Variants in ZNF233 observed in about 807,000 individuals in gnomAD.
The protein encoded by ZNF233 is zinc finger protein 233.
In ZNF233, 7 loss-of-function variants were observed where a neutral mutation model predicts 11.6. The observed-to-expected ratio is 0.60, with a 90% confidence interval of 0.34 to 1.13. The LOEUF is 1.13. Among genes scored for constraint, ZNF233 ranks in the 50% most tolerant of loss-of-function variants. The probability of loss-of-function intolerance (pLI) is 0.03; values close to 1 mark genes in which losing one functional copy is unlikely to be tolerated. For synonymous variants in ZNF233, 226 were observed against 268.5 expected (o/e 0.84, Z 1.55); for missense variants, 711 against 785.5 (o/e 0.91, Z 1.13).
At chr19:44,271,651 AGGCGCCT>A (rs1975239196) in intron 4 of ZNF233, among the ~76,000 whole-genome samples, 1 of 151,860 alleles carries the variant, frequency 6.6e-6, no homozygotes, top group African/African-American at 2.4e-5. Context: ...CCGGGACTAC[AGGCGCCT>A]GCCCCCATGC....
In ZNF233 at chr19:44,265,920, C is replaced by T. The variant is rs1007324662; in HGVS notation, c.16-278C>T. Among the ~76,000 whole-genome samples, 24 of 152,202 alleles carry T rather than the reference C, an allele frequency of 1.6e-4. No individual in the cohort carries two copies. The East Asian group carries it at 2.1e-3, about 13-fold the overall frequency. On this transcript the variant is annotated intron_variant, in intron 2 of 4. Transcript: ENST00000683810. ...CGTATTCCGTGTGATTCAAGATTTACAGTGCTGGGGCATTTACTGTTGGAA... is the reference window on the plus strand; with the variant it reads ...CGTATTCCGTGTGATTCAAGATTTATAGTGCTGGGGCATTTACTGTTGGAA...
chr19:44,265,487 C>T (rs1360921104), intron 2 of ZNF233, among the ~76,000 whole-genome samples: 3 of 151,708 alleles, frequency 2.0e-5, no homozygotes. Flanking sequence ...ATGGCGCGAT[C>T]CTGGCTCACT....
In ZNF233 at chr19:44,273,744, C is replaced by T; in HGVS notation, c.1084C>T (p.Leu362Phe). The change falls in exon 5 of 5, where the codon CTT becomes TTT. Residue 362 changes from leucine (L) to phenylalanine (F), a missense_variant. By Grantham distance (22) the Leu-to-Phe change is conservative. Transcript: ENST00000683810. The stretch of plus-strand genomic sequence containing the variant: ...GAACTCCTGTCTTCCCTCTCATGAG[C>T]TTACTCACCCAGGAGAGAAGTTGTG... ...NQNSCLPSHELTHPGEKLCTC... is the reference protein window; with the variant it reads ...NQNSCLPSHEFTHPGEKLCTC... 1.2e-6 allele frequency: 2 copies of T among 1,614,160 alleles called. No homozygotes were observed. The highest frequency in any genetic ancestry group is 1.7e-6 in the Non-Finnish European group (2 of 1,180,018).
At chr19:44,268,721 G>T (rs1975160426) in intron 4 of ZNF233, among the ~76,000 whole-genome samples, 1 of 152,084 alleles carries the variant, frequency 6.6e-6, no homozygotes, top group South Asian at 2.1e-4. Flanking sequence ...GGTGAGAGTT[G>T]CCTCATCCAT....
chr19:44,268,157 TAC>T (rs1328390672), intron 4 of ZNF233: 1 of 151,242 alleles, frequency 6.6e-6, no homozygotes, highest in Admixed American at 6.6e-5. Flanking sequence ...AATACATACA[TAC>T]ATACATACAT....
Position 44,264,347 on chromosome 19 carries a change from A to G in ZNF233, c.-14A>G. ...TCCCAGGACCCTGCCCTTCCCCAGA[A>G]GGAGCAGGAGAAAATGACCAAGTTT... On this transcript the variant is annotated 5_prime_UTR_variant, in exon 2 of 5. Coordinates refer to ENST00000683810, the MANE Select transcript of ZNF233 (RefSeq NM_001207005.2). The G allele has an allele frequency of 6.2e-7, 1 of 1,613,492 alleles. No homozygotes were observed.
Position 44,274,002 on chromosome 19 carries a change from G to GA in ZNF233, c.1342_1343insA (p.Gly448GlufsTer6), listed in dbSNP as rs1975320697. 6.3e-7 allele frequency: 1 copy of GA among 1,597,540 alleles called. No homozygotes were observed. Among genetic ancestry groups the GA allele is most frequent in the Non-Finnish European group, 8.5e-7 (1 of 1,179,272 alleles). ...TGGTCTTCACCAGAGAGTTCACACT[G>GA]GAGAGAAACCATATAAATGTGAGGT... is the stretch of plus-strand genomic sequence containing the variant. On this transcript the variant is annotated frameshift_variant, in exon 5 of 5. Coordinates refer to ENST00000683810, the MANE Select transcript of ZNF233 (RefSeq NM_001207005.2). LOFTEE classifies it low-confidence loss of function (END_TRUNC).
At chr19:44,270,187 C>A (rs1195505561) in intron 4 of ZNF233, among the ~76,000 whole-genome samples, 2 of 151,948 alleles carry the variant, frequency 1.3e-5, no homozygotes, top group Non-Finnish European at 2.9e-5. Flanking sequence ...TGTTAGTTAT[C>A]AATTATTTTA....
intron 4 of ZNF233, among the ~76,000 whole-genome samples, chr19:44,271,725 T>A (rs1330307840): frequency 6.6e-6 from 1 of 151,858 alleles, no homozygotes; most frequent in East Asian, 2.0e-4. Flanking sequence ...TTAGCCAGGA[T>A]GGTCTCGATC....
Position 44,273,209 on chromosome 19 carries a change from G to A in ZNF233, c.549G>A (p.Trp183Ter), listed in dbSNP as rs765649059. The A allele has an allele frequency of 6.2e-7, 1 of 1,613,710 alleles. No homozygotes were observed. The highest frequency in any genetic ancestry group is 1.7e-5 in the Admixed American group (1 of 60,020). Residue 183 changes from tryptophan to a stop codon, truncating the protein, a stop_gained, in exon 5 of 5, where the codon TGG becomes TGA. Transcript: ENST00000683810. LOFTEE classifies it low-confidence loss of function (END_TRUNC). ...ELPLRTTWDFWRKMYLREPQN... is the reference protein window; with the variant it reads ...ELPLRTTWDF ...CATTGAGGACCACCTGGGATTTCTG[G>A]AGGAAAATGTATCTGAGAGAACCAC...
intron 4 of ZNF233, among the ~76,000 whole-genome samples, chr19:44,268,376 G>T (rs1235900799): frequency 6.6e-6 from 1 of 151,950 alleles, no homozygotes; most frequent in Non-Finnish European, 1.5e-5. Flanking sequence ...AGAGATGGGG[G>T]TCTGGCTTTT....
Position 44,273,920 on chromosome 19 carries a change from CT to C in ZNF233, c.1261del (p.Ser421LeufsTer10). The stretch of plus-strand genomic sequence containing the variant: ...AACTTCAAGCCCATCAGAGAGGTCA[CT>C]CTAGAGACAAGACATACAAATGGGA... ...SQLQAHQRGHSRDKTYKWEVS... is the reference protein window; with the variant it reads ...SQLQAHQRGHXRDKTYKWEVS... On this transcript the variant is annotated frameshift_variant, in exon 5 of 5. Transcript: ENST00000683810. LOFTEE classifies it low-confidence loss of function (END_TRUNC). The C allele has an allele frequency of 6.2e-7, 1 of 1,614,006 alleles. No individual in the cohort carries two copies. The highest frequency in any genetic ancestry group is 8.5e-7 in the Non-Finnish European group (1 of 1,179,974).
intron 4 of ZNF233, among the ~76,000 whole-genome samples, chr19:44,268,938 A>G (rs1457075949): frequency 1.3e-5 from 2 of 152,238 alleles, no homozygotes; most frequent in Admixed American, 1.3e-4. Context: ...AAACAAAAAA[A>G]GCAAACCAAA....
At chr19:44,266,413 T>G (rs1599874032) in intron 3 of ZNF233, 89 bp downstream of exon 3, 1 of 1,368,148 alleles carries the variant, frequency 7.3e-7, no homozygotes, top group Non-Finnish European at 9.5e-7. Context: ...CTTAAAATGC[T>G]TCCCTGAACT....
At chr19:44,262,922 C>A (rs1457622912) in intron 1 of ZNF233, among the ~76,000 whole-genome samples, 1 of 152,148 alleles carries the variant, frequency 6.6e-6, no homozygotes, top group East Asian at 1.9e-4. Context: ...ATGATTCCTT[C>A]CATGTCTTCA....
In ZNF233 at chr19:44,273,571, A is replaced by T; in HGVS notation, c.911A>T (p.His304Leu). ...GGTTACAGCTCAGGGCTTCCCAGGCATCAGTGTTTCCACATAGGAGAGAAA... is the reference window on the plus strand; with the variant it reads ...GGTTACAGCTCAGGGCTTCCCAGGCTTCAGTGTTTCCACATAGGAGAGAAA... Reference protein sequence around the residue: ...GIGYSSGLPRHQCFHIGEKCY... With the variant: ...GIGYSSGLPRLQCFHIGEKCY... Residue 304 changes from histidine to leucine, a missense_variant, in exon 5 of 5, where the codon CAT becomes CTT. Transcript: ENST00000683810. The T allele has an allele frequency of 6.2e-7, 1 of 1,614,264 alleles. No individual in the cohort carries two copies. Among genetic ancestry groups the T allele is most frequent in the Non-Finnish European group, 8.5e-7 (1 of 1,180,054 alleles).
At chr19:44,264,662 TC>T (rs1281377091) in intron 2 of ZNF233, among the ~76,000 whole-genome samples, 4 of 152,146 alleles carry the variant, frequency 2.6e-5, no homozygotes, top group Non-Finnish European at 4.4e-5. Flanking sequence ...ATAATCTATT[TC>T]CCCCATACTA....
intron 1 of ZNF233, among the ~76,000 whole-genome samples, chr19:44,263,528 A>C (rs994926184): frequency 6.6e-6 from 1 of 152,240 alleles, no homozygotes; most frequent in African/African-American, 2.4e-5. Flanking sequence ...ATTTTAAATT[A>C]GTATTTCCTT....
chr19:44,274,414 T>C lies in ZNF233; in HGVS notation c.1754T>C (p.Val585Ala). The change falls in exon 5 of 5, where the codon GTC (valine) becomes GCC (alanine). Residue 585 changes from valine (V) to alanine (A), a missense_variant. Coordinates refer to ENST00000683810, the MANE Select transcript of ZNF233 (RefSeq NM_001207005.2). ...WSSHLQAHQR[V>A]HTGEKPYKCE... ...TCACATCTTCAAGCCCATCAGAGAG[T>C]CCACACAGGAGAGAAACCATACAAA... 2 of 1,614,018 alleles carry C rather than the reference T, an allele frequency of 1.2e-6. No individual in the cohort carries two copies. The highest frequency in any genetic ancestry group is 1.7e-5 in the Admixed American group (1 of 60,008).
Sources: gnomAD v4.1 joint callset for allele counts (sites outside exome capture counted in the v4.1 genomes callset) on GRCh38, gnomAD v4.1.1 for gene constraint, MANE v1.5 for transcripts, NCBI Gene and HGNC (gene_info 2026-07-23, HGNC 2026-07-21) for gene names.